GLRX3: variants seen among roughly 807,000 people sequenced by gnomAD.
GLRX3 encodes the protein glutaredoxin-3.
Under a neutral mutation model 49.5 loss-of-function variants are expected in GLRX3, and 22 were observed. That is an observed-to-expected ratio of 0.44 (90% CI 0.32 to 0.63). GLRX3 has a LOEUF of 0.63. Ranked by LOEUF, GLRX3 falls within the 30% of genes least tolerant of loss-of-function variation. The pLI is 0.05. For synonymous variants in GLRX3, 133 were observed against 140.0 expected (o/e 0.95, Z 0.35); for missense variants, 385 against 396.3 (o/e 0.97, Z 0.24).
In GLRX3 at chr10:130,179,503, C is replaced by T. The variant is rs1862986113; in HGVS notation, c.*111C>T. On this transcript the variant is annotated 3_prime_UTR_variant, in exon 11 of 11. Coordinates refer to ENST00000331244, the MANE Select transcript of GLRX3 (RefSeq NM_006541.5). ...TAGGAATAGAAAATTCCTGCTTTCT[C>T]AGTTACATGTTTTGTGTATTTCACA... 4.4e-6 allele frequency: 3 copies of T among 687,094 alleles called. No homozygotes were observed. Among genetic ancestry groups the T allele is most frequent in the South Asian group, 3.5e-5 (2 of 57,278 alleles). 42.6% of individuals were successfully genotyped at this position (687,094 alleles called of 1,614,324 possible).
chr10:130,166,445 T>C, intron 4 of GLRX3, 62 bp from the exon 5 acceptor site: 2 of 1,190,570 alleles, frequency 1.7e-6, no homozygotes, highest in Non-Finnish European at 2.5e-6. Flanking sequence ...ACTAATGTAT[T>C]ATCATGTGTA....
chr10:130,151,085 T>G (rs1862368023), intron 2 of GLRX3, among the ~76,000 whole-genome samples: 1 of 151,958 alleles, frequency 6.6e-6, no homozygotes, highest in Admixed American at 6.6e-5. Context: ...GTGCCACCAC[T>G]CCTGGCTAAT....
chr10:130,151,031 A>C (rs1354110957), intron 2 of GLRX3, among the ~76,000 whole-genome samples: 2 of 150,954 alleles, frequency 1.3e-5, no homozygotes, highest in Non-Finnish European at 2.9e-5. Flanking sequence ...GGGTTCAAGG[A>C]ATTCTCCTGC....
At chr10:130,164,116 G>A (rs987042637) in intron 4 of GLRX3, among the ~76,000 whole-genome samples, 14 of 152,282 alleles carry the variant, frequency 9.2e-5, no homozygotes, top group Non-Finnish European at 2.9e-5. Flanking sequence ...CACAGGTCAT[G>A]TCTCCATCTT....
Position 130,145,333 on chromosome 10 carries a change from A to C in GLRX3, c.201+14A>C. On this transcript the variant is annotated intron_variant, in intron 2 of 10. Transcript: ENST00000331244. Reference sequence around the variant, plus strand: ...TCATTTGTGAAGGTATTTATATTTCAATGTCATGTCTTTTGTGAATTTAAT... The same window carrying C: ...TCATTTGTGAAGGTATTTATATTTCCATGTCATGTCTTTTGTGAATTTAAT... 6 of 1,108,032 alleles carry C rather than the reference A, an allele frequency of 5.4e-6. No homozygotes were observed. Among genetic ancestry groups the C allele is most frequent in the Non-Finnish European group, 7.0e-6 (5 of 718,486 alleles). The allele number at this position is 1,108,032 out of a possible 1,614,324, so 68.6% of individuals were successfully genotyped here.
chr10:130,176,123 T>A (rs1274331643), intron 10 of GLRX3, among the ~76,000 whole-genome samples: 1 of 152,104 alleles, frequency 6.6e-6, no homozygotes, highest in African/African-American at 2.4e-5. Context: ...TTTTTTTTTT[T>A]TTTTTACATT....
At chr10:130,176,921 A>G (rs1419749628) in intron 10 of GLRX3, among the ~76,000 whole-genome samples, 2 of 152,198 alleles carry the variant, frequency 1.3e-5, no homozygotes, top group Admixed American at 1.3e-4. Flanking sequence ...TTGGGAAGAT[A>G]CAATCAATAA....
intron 10 of GLRX3, among the ~76,000 whole-genome samples, chr10:130,176,634 A>G (rs1862925463): frequency 6.6e-6 from 1 of 151,978 alleles, no homozygotes; most frequent in Non-Finnish European, 1.5e-5. Context: ...CCAGTGAGAC[A>G]TTTTTCCTGG....
intron 4 of GLRX3, among the ~76,000 whole-genome samples, chr10:130,166,247 T>C (rs1194088082): frequency 2.0e-5 from 3 of 151,884 alleles, no homozygotes; most frequent in Admixed American, 6.6e-5. Flanking sequence ...CACACCACTT[T>C]TTTTTTTTTT....
At chr10:130,159,738 A>G in intron 2 of GLRX3, 1 of 1,176,400 alleles carries the variant, frequency 8.5e-7, no homozygotes. Flanking sequence ...CAAAAATTTT[A>G]TTCACAGCCT....
rs531735157 is a variant in GLRX3 at position 130,176,798 on chromosome 10, A to C, written c.957+1709A>C. Among the ~76,000 whole-genome samples the C allele has an allele frequency of 9.2e-3, 988 of 107,766 alleles. 11 individuals carry two copies. Among genetic ancestry groups the C allele is most frequent in the East Asian group, 0.04 (156 of 3,856 alleles). The allele number at this position is 107,766 out of a possible 152,430, so 70.7% of individuals were successfully genotyped here. A position where few individuals can be genotyped will look rare whatever the true frequency, so the allele number is the denominator to read the frequency against. ...TTTCTCTCTCTCTCTCTCTCTATAT[A>C]TATATATATAGTCTTATTTTTGTAA... On this transcript the variant is annotated intron_variant, in intron 10 of 10. Transcript: ENST00000331244.
intron 1 of GLRX3, among the ~76,000 whole-genome samples, chr10:130,139,105 C>T (rs1163240567): frequency 6.6e-6 from 1 of 151,844 alleles, no homozygotes; most frequent in African/African-American, 2.4e-5. Flanking sequence ...AGGTGATGGG[C>T]CCGCTTCCCA....
chr10:130,173,646 C>T (rs1862858195), intron 8 of GLRX3, among the ~76,000 whole-genome samples: 1 of 152,136 alleles, frequency 6.6e-6, no homozygotes, highest in South Asian at 2.1e-4. Flanking sequence ...TTCCTGGATC[C>T]TTTATGAATA....
chr10:130,156,552 G>A lies in GLRX3; in HGVS notation c.202-3443G>A, dbSNP rs546419161. ...TTGTAAGGATTAAGTGAGTCTATAC[G>A]TGTGAGGATTAAGTGAGTCTATACG... On this transcript the variant is annotated intron_variant, in intron 2 of 10. Coordinates refer to ENST00000331244, the MANE Select transcript of GLRX3 (RefSeq NM_006541.5). Among the ~76,000 whole-genome samples the A allele has an allele frequency of 7.3e-5, 10 of 137,622 alleles. No homozygotes were observed. The South Asian group carries it at 2.1e-3, about 28-fold the overall frequency. 90.3% of individuals were successfully genotyped at this position (137,622 alleles called of 152,430 possible). A position where few individuals can be genotyped will look rare whatever the true frequency, so the allele number is the denominator to read the frequency against.
chr10:130,169,474 T>C lies in GLRX3; in HGVS notation c.755T>C (p.Met252Thr). The C allele has an allele frequency of 6.2e-7, 1 of 1,609,168 alleles. No homozygotes were observed. The highest frequency in any genetic ancestry group is 8.5e-7 in the Non-Finnish European group (1 of 1,175,450). ...LTNKASVMLF[M>T]KGNKQEAKCG... ...AATAAAGCTTCTGTGATGCTCTTTA[T>C]GAAAGGAAACAAACAGGTAAAGAAC... is the stretch of plus-strand genomic sequence containing the variant. Residue 252 changes from methionine to threonine, a missense_variant, in exon 7 of 11, where the codon ATG becomes ACG. Met to Thr is a moderately conservative substitution (Grantham distance 81, BLOSUM62 -1). Transcript: ENST00000331244.
intron 3 of GLRX3, among the ~76,000 whole-genome samples, chr10:130,160,349 A>AGT (rs71007600): frequency 0.092 from 14,056 of 152,256 alleles, 827 homozygotes; most frequent in Non-Finnish European, 0.12. Flanking sequence ...GTGGAACCCC[A>AGT]GTGTTCCCTG....
At chr10:130,147,338 G>C (rs1490667064) in intron 2 of GLRX3, among the ~76,000 whole-genome samples, 1 of 152,166 alleles carries the variant, frequency 6.6e-6, no homozygotes, top group Admixed American at 6.5e-5. Flanking sequence ...ACTGGTTTAG[G>C]TAACACATTG....
intron 1 of GLRX3, among the ~76,000 whole-genome samples, chr10:130,138,847 G>T (rs961525771): frequency 1.3e-3 from 124 of 94,928 alleles, no homozygotes; most frequent in African/African-American, 2.5e-3. Context: ...GAATAAAAGT[G>T]TTTTTTTTTT....
At chr10:130,140,925 C>T (rs1862160817) in intron 1 of GLRX3, among the ~76,000 whole-genome samples, 1 of 152,142 alleles carries the variant, frequency 6.6e-6, no homozygotes, top group African/African-American at 2.4e-5. Flanking sequence ...TTAATTACTT[C>T]CTTAGGATTG....
Sources: gnomAD v4.1 joint callset for allele counts (sites outside exome capture counted in the v4.1 genomes callset) on GRCh38, gnomAD v4.1.1 for gene constraint, MANE v1.5 for transcripts, NCBI Gene and HGNC (gene_info 2026-07-23, HGNC 2026-07-21) for gene names.